The following TBXAS1 variants were observed in gnomAD, a reference collection of about 807,000 sequenced individuals.
The protein encoded by TBXAS1 is thromboxane-A synthase.
In TBXAS1, 48 loss-of-function variants were observed where a neutral mutation model predicts 60.7. That is an observed-to-expected ratio of 0.79 (90% CI 0.63 to 1.01). The LOEUF is 1.01. Among genes scored for constraint, TBXAS1 ranks in the 50% least tolerant of loss-of-function variants. The pLI is 0.00. For synonymous variants in TBXAS1, 287 were observed against 269.7 expected (o/e 1.06, Z -0.63); for missense variants, 685 against 686.3 (o/e 1.00, Z 0.02).
At chr7:139,839,984 C>CAAAA (rs563726492) in intron 1 of TBXAS1, among the ~76,000 whole-genome samples, 4 of 109,318 alleles carry the variant, frequency 3.7e-5, no homozygotes, top group Admixed American at 1.9e-4. Context: ...AACTCTGTCT[C>CAAAA]AAAAAAAAAA....
At chr7:139,917,178 T>A (rs1467657581) in intron 4 of TBXAS1, among the ~76,000 whole-genome samples, 1 of 152,034 alleles carries the variant, frequency 6.6e-6, no homozygotes, top group African/African-American at 2.4e-5. Context: ...AAGGGAGAAG[T>A]TCTTCCTGAA....
chr7:139,889,650 G>A (rs1803401041), intron 3 of TBXAS1, among the ~76,000 whole-genome samples: 1 of 152,184 alleles, frequency 6.6e-6, no homozygotes. Context: ...ATTGTCTGGT[G>A]AGGGCTCACT....
intron 1 of TBXAS1, among the ~76,000 whole-genome samples, chr7:139,836,688 C>T (rs1462610759): frequency 1.3e-5 from 2 of 152,186 alleles, no homozygotes; most frequent in African/African-American, 4.8e-5. Context: ...AGACTTAAAC[C>T]TAAGACCTGA....
intron 4 of TBXAS1, among the ~76,000 whole-genome samples, chr7:139,809,233 T>TAGATGATAGATAGATAGATA (rs1554466810): frequency 5.2e-4 from 68 of 131,078 alleles, no homozygotes; most frequent in Admixed American, 8.9e-4. Flanking sequence ...GATAGATAGA[T>TAGATGATAGATAGATAGATA]GATAGATAGA....
intron 10 of TBXAS1, 56 bp downstream of exon 10, chr7:140,007,238 C>A (rs1814159350): frequency 6.6e-7 from 1 of 1,517,594 alleles, no homozygotes; most frequent in Admixed American, 1.7e-5. Flanking sequence ...CTACCCCCTG[C>A]CCCAGCCTGC....
chr7:140,016,135 T>C (rs182734922), intron 11 of TBXAS1, among the ~76,000 whole-genome samples: 3,345 of 152,126 alleles, frequency 0.022, 111 homozygotes, highest in African/African-American at 0.075. Flanking sequence ...GAGACCATCC[T>C]GGCTAACACG....
chr7:139,940,869 T>C (rs1258933948), intron 5 of TBXAS1, among the ~76,000 whole-genome samples: 1 of 152,112 alleles, frequency 6.6e-6, no homozygotes, highest in Non-Finnish European at 1.5e-5. Flanking sequence ...CTATTCTGCC[T>C]AAGGATACAT....
At chr7:139,876,680 C>G (rs1802259980) in intron 3 of TBXAS1, among the ~76,000 whole-genome samples, 1 of 152,144 alleles carries the variant, frequency 6.6e-6, no homozygotes, top group African/African-American at 2.4e-5. Flanking sequence ...TCAAGTTCTT[C>G]TACCTACTTT....
chr7:139,781,707 C>T (rs1233269144), intron 2 of TBXAS1, among the ~76,000 whole-genome samples: 2 of 151,894 alleles, frequency 1.3e-5, no homozygotes, highest in African/African-American at 4.8e-5. Flanking sequence ...TGGCGGTGGG[C>T]ACCTGTAATC....
At chr7:139,976,123 G>A (rs188862761) in intron 9 of TBXAS1, among the ~76,000 whole-genome samples, 102 of 152,300 alleles carry the variant, frequency 6.7e-4, no homozygotes, top group Admixed American at 2.1e-3. Context: ...ATGCACCTGA[G>A]ACATTGGCAT....
rs1259734391 is a variant in TBXAS1, at chr7:139,852,985, C to T, written c.90-19250C>T. 7.4e-6 allele frequency among the ~76,000 whole-genome samples: 1 copy of T among 134,364 alleles called. No homozygotes were observed. The allele number at this position is 134,364 out of a possible 152,430, so 88.1% of individuals were successfully genotyped here. On this transcript the variant is annotated intron_variant, in intron 1 of 12. Coordinates refer to ENST00000448866, the MANE Select transcript of TBXAS1 (RefSeq NM_001061.7). The surrounding 1 kb of genome is among the most constrained non-coding windows in gnomAD (Gnocchi z 4.4). ...ACACACACACACACACACACACACA[C>T]ACACAGTTGGCCAAAGAAGCAACCT...
At chr7:139,901,092 CA>C (rs911837067) in intron 3 of TBXAS1, among the ~76,000 whole-genome samples, 5 of 152,162 alleles carry the variant, frequency 3.3e-5, no homozygotes, top group Admixed American at 2.0e-4. Flanking sequence ...CCCAGACACC[CA>C]AAACGAAAGC....
intron 10 of TBXAS1, 144 bp from the exon 11 acceptor site, chr7:140,015,579 G>C: frequency 2.1e-6 from 2 of 937,496 alleles, no homozygotes; most frequent in Admixed American, 3.7e-5. Context: ...CTGAGCAGGG[G>C]GTCCTCTGTC....
intron 1 of TBXAS1, among the ~76,000 whole-genome samples, chr7:139,864,752 A>G (rs1220195986): frequency 6.6e-6 from 1 of 152,224 alleles, no homozygotes; most frequent in Non-Finnish European, 1.5e-5. Flanking sequence ...AATCAGTGGG[A>G]AAAAGGGAGC....
chr7:139,834,229 A>G (rs1798912156), intron 1 of TBXAS1, among the ~76,000 whole-genome samples: 1 of 152,216 alleles, frequency 6.6e-6, no homozygotes, highest in African/African-American at 2.4e-5. Context: ...GTAAAAAACA[A>G]AATCAAGATG....
chr7:139,952,656 G>A (rs1045416697), intron 5 of TBXAS1: 14 of 1,536,950 alleles, frequency 9.1e-6, no homozygotes, highest in African/African-American at 1.4e-5. Flanking sequence ...TGGTATCTAT[G>A]TGAATCTCCA....
intron 4 of TBXAS1, among the ~76,000 whole-genome samples, chr7:139,790,107 A>G (rs189319698): frequency 6.6e-6 from 1 of 152,210 alleles, no homozygotes. Context: ...CTCTCCATAC[A>G]TTATACATAC....
rs1331517788 is a variant in TBXAS1, at chr7:139,909,309, T to C, written c.237-1916T>C. Among the ~76,000 whole-genome samples the C allele has an allele frequency of 2.0e-5, 3 of 151,434 alleles. No individual in the cohort carries two copies. In the East Asian group the frequency reaches 5.8e-4, roughly 29 times the overall value. ...TGAGAAACATTGCTCTGGAGGGGGGTTGAGAGATCCAAGGACTTCTCAAAT... is the reference window on the plus strand; with the variant it reads ...TGAGAAACATTGCTCTGGAGGGGGGCTGAGAGATCCAAGGACTTCTCAAAT... On this transcript the variant is annotated intron_variant, in intron 3 of 12. Coordinates refer to ENST00000448866, the MANE Select transcript of TBXAS1 (RefSeq NM_001061.7).
intron 9 of TBXAS1, among the ~76,000 whole-genome samples, chr7:140,006,043 C>T (rs3779130): frequency 0.55 from 83,292 of 152,112 alleles, 24,874 homozygotes; most frequent in South Asian, 0.7. Flanking sequence ...GGCCTCCCAG[C>T]GCCTGTAACT....
Sources: gnomAD v4.1 joint callset for allele counts (sites outside exome capture counted in the v4.1 genomes callset) on GRCh38, gnomAD v4.1.1 for gene constraint, Gnocchi (gnomAD v3.1) non-coding constraint, MANE v1.5 for transcripts, NCBI Gene and HGNC (gene_info 2026-07-23, HGNC 2026-07-21) for gene names.